PPT1: variants seen among roughly 807,000 people sequenced by gnomAD.
PPT1 encodes palmitoyl-protein thioesterase 1, also known as ceroid-palmitoyl-palmitoyl-protein thioesterase 1.
PPT1 carries 24 observed loss-of-function variants against 44.0 expected under a neutral mutation model. That is an observed-to-expected ratio of 0.54 (90% CI 0.39 to 0.77). The LOEUF is 0.77. Ranked by LOEUF, PPT1 falls within the 30% of genes least tolerant of loss-of-function variation. The pLI is 0.00. For synonymous variants in PPT1, 148 were observed against 140.2 expected (o/e 1.06, Z -0.39); for missense variants, 341 against 378.8 (o/e 0.90, Z 0.83).
chr1:40,081,777 G>A (rs930093666), intron 5 of PPT1, among the ~76,000 whole-genome samples: 6 of 152,108 alleles, frequency 3.9e-5, no homozygotes, highest in African/African-American at 1.4e-4. Context: ...ATAAGTACCA[G>A]TAGAGTGGGG....
Position 40,073,134 on chromosome 1 carries a change from A to G in PPT1, c.*927T>C, listed in dbSNP as rs1478782167. 1.3e-5 allele frequency: 2 copies of G among 152,224 alleles called. No individual in the cohort carries two copies. Among genetic ancestry groups the G allele is most frequent in the African/African-American group, 4.8e-5 (2 of 41,450 alleles). 9.4% of individuals were successfully genotyped at this position (152,224 alleles called of 1,614,324 possible). ...GCAAACAATCCTTTTCTCATGGAAC[A>G]CATCAGAAACAGTTTGGAGTATGCT... is the stretch of plus-strand genomic sequence containing the variant. On this transcript the variant is annotated 3_prime_UTR_variant, in exon 9 of 9. Transcript: ENST00000642050.
intron 1 of PPT1, chr1:40,094,002 G>A (rs759820442): frequency 2.8e-6 from 2 of 715,360 alleles, no homozygotes; most frequent in South Asian, 1.5e-5. Context: ...AGACCAGTTT[G>A]GGCAACATAA....
Position 40,074,336 on chromosome 1 carries a change from CCTA to C in PPT1, c.799-156_799-154del, listed in dbSNP as rs367933272. 7.2e-3 allele frequency among the ~76,000 whole-genome samples: 1,089 copies of C among 152,100 alleles called. 10 individuals are homozygous for C. Among genetic ancestry groups the C allele is most frequent in the African/African-American group, 0.025 (1,048 of 41,454 alleles). On this transcript the variant is annotated intron_variant, in intron 8 of 8. Coordinates refer to ENST00000642050, the MANE Select transcript of PPT1 (RefSeq NM_000310.4). ...TTCAAAAATGCCAAAAAGAATATCTCCTACTTCTTTTTCTTTCTCTTTTTTCTT... is the reference window on the plus strand; with the variant it reads ...TTCAAAAATGCCAAAAAGAATATCTCCTTCTTTTTCTTTCTCTTTTTTCTT...
At chr1:40,082,692 G>A (rs912997160) in intron 5 of PPT1, among the ~76,000 whole-genome samples, 2 of 152,234 alleles carry the variant, frequency 1.3e-5, no homozygotes, top group Non-Finnish European at 2.9e-5. Flanking sequence ...TTCAAGGAAA[G>A]AAACCATCTC....
At position 40,091,405 on chromosome 1, in the gene PPT1, G is replaced by C; in HGVS notation, c.363-6C>G. 1 of 1,610,872 alleles carries C rather than the reference G, an allele frequency of 6.2e-7. No homozygotes were observed. Among genetic ancestry groups the C allele is most frequent in the Non-Finnish European group, 8.5e-7 (1 of 1,177,414 alleles). ...ATCTCTGAGCCACTGCCCTCCTACG[G>C]AATAAAAGGGAGTTTTAGCTCCGAC... On this transcript the variant is annotated splice_polypyrimidine_tract_variant and splice_region_variant and intron_variant, in intron 3 of 8. Coordinates refer to ENST00000642050, the MANE Select transcript of PPT1 (RefSeq NM_000310.4).
chr1:40,074,446 CCT>C (rs552038903), intron 8 of PPT1, among the ~76,000 whole-genome samples: 40 of 110,904 alleles, frequency 3.6e-4, no homozygotes, highest in East Asian at 3.1e-4. Context: ...TCTTCTTCTT[CCT>C]CTCTCTCTCT....
intron 5 of PPT1, among the ~76,000 whole-genome samples, chr1:40,086,594 G>C (rs2124481186): frequency 6.6e-6 from 1 of 152,278 alleles, no homozygotes; most frequent in African/African-American, 2.4e-5. Flanking sequence ...CAGCTAATGA[G>C]AGCAGAGGGG....
Position 40,073,245 on chromosome 1 carries a change from G to A in PPT1, c.*816C>T, listed in dbSNP as rs1570447029. ...ATTCTCTGCTAAAGCCAGCAACAGA[G>A]TAAGTTGACTCTAGCATCAAGACCA... On this transcript the variant is annotated 3_prime_UTR_variant, in exon 9 of 9. Coordinates refer to ENST00000642050, the MANE Select transcript of PPT1 (RefSeq NM_000310.4). 6.6e-6 allele frequency: 1 copy of A among 152,246 alleles called. No individual in the cohort carries two copies. The highest frequency in any genetic ancestry group is 2.4e-5 in the African/African-American group (1 of 41,458). 9.4% of individuals were successfully genotyped at this position (152,246 alleles called of 1,614,324 possible).
At position 40,074,429 on chromosome 1, in the gene PPT1, CG is replaced by C. The variant is rs367602791; in HGVS notation, c.799-247del. 2.4e-3 allele frequency among the ~76,000 whole-genome samples: 296 copies of C among 124,590 alleles called. 3 individuals carry two copies. Among genetic ancestry groups the C allele is most frequent in the East Asian group, 0.019 (79 of 4,070 alleles). 81.7% of individuals were successfully genotyped at this position (124,590 alleles called of 152,430 possible). On this transcript the variant is annotated intron_variant, in intron 8 of 8. Coordinates refer to ENST00000642050, the MANE Select transcript of PPT1 (RefSeq NM_000310.4). ...CTCCTCCCCCTCCTCCTGTCCCCCC[CG>C]CTTCTTCTTCTTCTTCCTCTCTCTC...
intron 5 of PPT1, among the ~76,000 whole-genome samples, chr1:40,086,324 G>C (rs1221769043): frequency 2.6e-5 from 4 of 152,166 alleles, no homozygotes; most frequent in Non-Finnish European, 5.9e-5. Context: ...AAGGGAACTA[G>C]AGGGTAGTTT....
chr1:40,089,366 C>T lies in PPT1; in HGVS notation c.536+44G>A. On this transcript the variant is annotated intron_variant, in intron 5 of 8. Transcript: ENST00000642050. ...AGCATGAAAGTCAGCATGATATTTT[C>T]ACACGGTGACAGGTCTGTAATCTTT... 3 of 1,454,286 alleles carry T rather than the reference C, an allele frequency of 2.1e-6. No homozygotes were observed. In the South Asian group the frequency reaches 3.4e-5, roughly 16 times the overall value. 90.1% of individuals were successfully genotyped at this position (1,454,286 alleles called of 1,614,324 possible). A position where few individuals can be genotyped will look rare whatever the true frequency, so the allele number is the denominator to read the frequency against.
At chr1:40,079,872 T>G (rs576969794) in intron 6 of PPT1, among the ~76,000 whole-genome samples, 4 of 152,360 alleles carry the variant, frequency 2.6e-5, no homozygotes, top group Admixed American at 6.5e-5. Context: ...TTCTGCTATA[T>G]ACTATTCTGT....
downstream of PPT1, chr1:40,072,095 T>C (rs1453523123): frequency 1.2e-5 from 5 of 401,770 alleles, no homozygotes; most frequent in African/African-American, 8.2e-5. Flanking sequence ...TTTTATTCTC[T>C]ATTCTATCCT....
chr1:40,078,756 CTG>C, intron 6 of PPT1, 98 bp from the exon 7 acceptor site: 4 of 1,013,512 alleles, frequency 3.9e-6, no homozygotes, highest in South Asian at 1.3e-5. Context: ...CCCTGTGCCA[CTG>C]TGTTTCTTCC....
At chr1:40,081,539 A>AAAATAAAT (rs778068945) in intron 5 of PPT1, among the ~76,000 whole-genome samples, 7 of 71,494 alleles carry the variant, frequency 9.8e-5, no homozygotes, top group African/African-American at 2.0e-4. Flanking sequence ...TCCATCTCAA[A>AAAATAAAT]AAATAAATAA....
chr1:40,071,977 C>T, downstream of PPT1: 1 of 407,364 alleles, frequency 2.5e-6, no homozygotes, highest in Non-Finnish European at 4.3e-6. Flanking sequence ...GTTCTTCTAA[C>T]CAAACTAATT....
At chr1:40,077,652 G>A (rs1009427375) in intron 7 of PPT1, among the ~76,000 whole-genome samples, 4 of 152,314 alleles carry the variant, frequency 2.6e-5, no homozygotes, top group Middle Eastern at 3.4e-3. Flanking sequence ...GTGACATAAC[G>A]TGATGAGTGT....
intron 8 of PPT1, among the ~76,000 whole-genome samples, chr1:40,075,477 CTT>C (rs5773686): frequency 4.8e-5 from 7 of 144,732 alleles, no homozygotes; most frequent in Non-Finnish European, 1.1e-4. Context: ...TTTCTCAAGC[CTT>C]TTTTTTTTTT....
Position 40,073,841 on chromosome 1 carries a change from T to C in PPT1, c.*220A>G. 3.0e-6 allele frequency: 2 copies of C among 659,636 alleles called. No individual in the cohort carries two copies. The highest frequency in any genetic ancestry group is 5.2e-6 in the Non-Finnish European group (2 of 385,196). 40.9% of individuals were successfully genotyped at this position (659,636 alleles called of 1,614,324 possible). A position where few individuals can be genotyped will look rare whatever the true frequency, so the allele number is the denominator to read the frequency against. The stretch of plus-strand genomic sequence containing the variant: ...ACCACATCAAAAGTTTGTAAAACAA[T>C]CTCCATGGTAATTAAACTTGCATTC... On this transcript the variant is annotated 3_prime_UTR_variant, in exon 9 of 9. Transcript: ENST00000642050.
Sources: gnomAD v4.1 joint callset for allele counts (sites outside exome capture counted in the v4.1 genomes callset) on GRCh38, gnomAD v4.1.1 for gene constraint, MANE v1.5 for transcripts, NCBI Gene and HGNC (gene_info 2026-07-23, HGNC 2026-07-21) for gene names.